COL4A4: variants seen among roughly 807,000 people sequenced by gnomAD.
The protein encoded by COL4A4 is collagen alpha-4(IV) chain.
COL4A4 carries 105 observed loss-of-function variants against 192.9 expected under a neutral mutation model. The ratio of observed to expected loss-of-function variants is 0.54; its 90% CI spans 0.46 to 0.64. The LOEUF (loss-of-function observed/expected upper bound fraction) is 0.64. COL4A4 is among the 30% of genes least tolerant of loss of function. The probability of loss-of-function intolerance (pLI) is 0.00; values close to 1 mark genes in which losing one functional copy is unlikely to be tolerated. For synonymous variants in COL4A4, 762 were observed against 769.9 expected (o/e 0.99, Z 0.17); for missense variants, 1,967 against 2,169.3 (o/e 0.91, Z 1.85).
intron 4 of COL4A4, among the ~76,000 whole-genome samples, chr2:227,137,509 C>G (rs1353424757): frequency 6.6e-6 from 1 of 152,194 alleles, no homozygotes; most frequent in Non-Finnish European, 1.5e-5. Context: ...ATAATACTTG[C>G]ATCACAGAGC....
rs1236298157 is a variant in COL4A4 at position 227,121,078 on chromosome 2, G to A, written c.263C>T (p.Ser88Leu). The A allele has an allele frequency of 3.1e-6, 5 of 1,614,156 alleles. No homozygotes were observed. The Admixed American group carries it at 5.0e-5, about 16-fold the overall frequency. ...PLGAPGPIGL[S>L]GEKGMRGDRG... ...GTCCCCTCTCATTCCTTTCTCTCCTGAAAGCCCAATGGGTCCTGGGGCTCC... is the reference window on the plus strand; with the variant it reads ...GTCCCCTCTCATTCCTTTCTCTCCTAAAAGCCCAATGGGTCCTGGGGCTCC... Residue 88 changes from serine to leucine, a missense_variant, in exon 5 of 48, where the codon TCA (serine) becomes TTA (leucine). Coordinates refer to ENST00000396625, the MANE Select transcript of COL4A4 (RefSeq NM_000092.5).
In COL4A4 at chr2:227,032,070, G is replaced by A; in HGVS notation, c.3707-15C>T. Reference sequence around the variant, plus strand: ...TCCTGAACTCCCTAAGAAGAGACATGTTCACATGTTATCCTCATTGCATTT... The same window carrying A: ...TCCTGAACTCCCTAAGAAGAGACATATTCACATGTTATCCTCATTGCATTT... On this transcript the variant is annotated splice_polypyrimidine_tract_variant and intron_variant, in intron 39 of 47. Coordinates refer to ENST00000396625, the MANE Select transcript of COL4A4 (RefSeq NM_000092.5). 6.2e-7 allele frequency: 1 copy of A among 1,613,860 alleles called. No homozygotes were observed. Among genetic ancestry groups the A allele is most frequent in the Non-Finnish European group, 8.5e-7 (1 of 1,179,742 alleles).
rs765248268 is a variant in COL4A4, at chr2:227,042,188, G to A, written c.3465C>T (p.Leu1155=). 1 of 1,613,476 alleles carries A rather than the reference G, an allele frequency of 6.2e-7. No individual in the cohort carries two copies. ...GACCTGGTATCCCTGGATCCCCCTGGAGGCCTCTTGGCCCAGGGTCTCCCA... is the reference window on the plus strand; with the variant it reads ...GACCTGGTATCCCTGGATCCCCCTGAAGGCCTCTTGGCCCAGGGTCTCCCA... ...GEMGDPGPRG[L]QGDPGIPGPP... The change falls in exon 37 of 48, where the codon CTC becomes CTT. Residue 1155 remains leucine, a synonymous_variant. Transcript: ENST00000396625.
At chr2:226,995,099 A>T in the COL4A4 span, among the ~76,000 whole-genome samples, 2 of 146,126 alleles carry the variant, frequency 1.4e-5, no homozygotes, top group Non-Finnish European at 3.0e-5. Flanking sequence ...ATATGGGCAT[A>T]AAAAAAAAAA....
intron 22 of COL4A4, among the ~76,000 whole-genome samples, chr2:227,083,010 C>T (rs1233066347): frequency 6.6e-6 from 1 of 152,158 alleles, no homozygotes; most frequent in Non-Finnish European, 1.5e-5. Flanking sequence ...AGGCGGATCA[C>T]TTGAGGCCAA....
At chr2:227,110,897 G>C (rs945969990) in intron 9 of COL4A4, among the ~76,000 whole-genome samples, 1 of 151,856 alleles carries the variant, frequency 6.6e-6, no homozygotes, top group Non-Finnish European at 1.5e-5. Context: ...GGCCAGGCTG[G>C]TCTCAAACTC....
the COL4A4 span, chr2:226,988,833 C>A: frequency 7.2e-6 from 3 of 414,860 alleles, no homozygotes; most frequent in South Asian, 1.0e-4. Context: ...CTGACTTTTG[C>A]AGCTAGACCT....
intron 25 of COL4A4, among the ~76,000 whole-genome samples, chr2:227,067,212 T>TA (rs1381581997): frequency 8.6e-5 from 13 of 152,028 alleles, no homozygotes; most frequent in African/African-American, 3.1e-4. Flanking sequence ...CCCAGATTCA[T>TA]AAAGCAAGTC....
chr2:227,060,126 C>CAAAATGA lies in COL4A4; in HGVS notation c.2164+9_2164+10insTCATTTT. On this transcript the variant is annotated intron_variant, in intron 27 of 47. Coordinates refer to ENST00000396625, the MANE Select transcript of COL4A4 (RefSeq NM_000092.5). ...GAAAAAAAAAAAAAAAAAAAAAAAA[C>CAAAATGA]CTCACTGACCAGGTGGACCTGGTAT... 1 of 438,600 alleles carries CAAAATGA rather than the reference C, an allele frequency of 2.3e-6. No homozygotes were observed. Among genetic ancestry groups the CAAAATGA allele is most frequent in the Non-Finnish European group, 3.2e-6 (1 of 313,902 alleles). The allele number at this position is 438,600 out of a possible 1,614,324, so 27.2% of individuals were successfully genotyped here.
At chr2:227,113,872 T>C (rs555676237) in intron 8 of COL4A4, among the ~76,000 whole-genome samples, 2 of 152,312 alleles carry the variant, frequency 1.3e-5, no homozygotes, top group South Asian at 4.1e-4. Flanking sequence ...TGCTGCAGAA[T>C]ATTCTTCCTT....
At chr2:227,133,112 A>T (rs2062588451) in intron 4 of COL4A4, among the ~76,000 whole-genome samples, 1 of 152,088 alleles carries the variant, frequency 6.6e-6, no homozygotes, top group Non-Finnish European at 1.5e-5. Context: ...TGAGCTCCGC[A>T]CCCAGCCTGG....
intron 19 of COL4A4, among the ~76,000 whole-genome samples, chr2:227,095,342 T>C (rs766291420): frequency 2.0e-5 from 3 of 152,218 alleles, no homozygotes; most frequent in Admixed American, 6.5e-5. Flanking sequence ...AGATTTCAAC[T>C]TGGCCTTTCC....
At chr2:226,970,587 G>A in the COL4A4 span, among the ~76,000 whole-genome samples, 7 of 152,306 alleles carry the variant, frequency 4.6e-5, no homozygotes, top group South Asian at 2.1e-4. Context: ...GGGCTGCTCA[G>A]GCAGCAGGTG....
intron 46 of COL4A4, 117 bp downstream of exon 46, chr2:227,010,196 A>T: frequency 9.0e-7 from 1 of 1,116,904 alleles, no homozygotes; most frequent in Non-Finnish European, 1.4e-6. Flanking sequence ...TTTTTGTTTT[A>T]AAAGTAAGAA....
At chr2:227,053,854 T>G (rs1383680675) in intron 31 of COL4A4, among the ~76,000 whole-genome samples, 1 of 146,794 alleles carries the variant, frequency 6.8e-6, no homozygotes, top group Non-Finnish European at 1.5e-5. Flanking sequence ...CCAGAAAACT[T>G]TTTTTTTCAA....
intron 33 of COL4A4, among the ~76,000 whole-genome samples, chr2:227,050,512 C>T (rs984359187): frequency 3.3e-5 from 5 of 152,126 alleles, no homozygotes; most frequent in Admixed American, 1.3e-4. Context: ...TAGTGAGTTA[C>T]GTGTTTTCCA....
intron 6 of COL4A4, among the ~76,000 whole-genome samples, chr2:227,119,003 T>A (rs2061633777): frequency 6.6e-6 from 1 of 152,110 alleles, no homozygotes; most frequent in Non-Finnish European, 1.5e-5. Flanking sequence ...GGAGGGGACC[T>A]TCCTTAAAAT....
At chr2:227,113,429 G>C (rs1487987790) in intron 8 of COL4A4, among the ~76,000 whole-genome samples, 1 of 152,090 alleles carries the variant, frequency 6.6e-6, no homozygotes. Context: ...ACAAAAAAAT[G>C]CTCACTATAA....
At chr2:227,139,613 A>G (rs938985816) in intron 4 of COL4A4, among the ~76,000 whole-genome samples, 3 of 152,216 alleles carry the variant, frequency 2.0e-5, no homozygotes, top group Admixed American at 1.3e-4. Flanking sequence ...CTGCACTGCA[A>G]ACATGGTATC....
Sources: allele counts gnomAD v4.1 joint callset (sites outside exome capture counted in the v4.1 genomes callset), GRCh38; gene constraint gnomAD v4.1.1; transcripts MANE v1.5; gene names NCBI Gene and HGNC (gene_info 2026-07-23, HGNC 2026-07-21).